TANK: variants seen among roughly 807,000 people sequenced by gnomAD.
TANK encodes the protein TRAF family member-associated NF-kappa-B activator.
Under a neutral mutation model 43.6 loss-of-function variants are expected in TANK, and 15 were observed. The ratio of observed to expected loss-of-function variants is 0.34; its 90% CI spans 0.23 to 0.53. TANK has a LOEUF of 0.53. Ranked by LOEUF, TANK falls within the 20% of genes least tolerant of loss-of-function variation. The pLI is 0.94. For missense variants in TANK, 417 were observed against 498.6 expected (o/e 0.84, Z 1.56); for synonymous variants, 162 against 178.2 (o/e 0.91, Z 0.73).
chr2:161,166,415 A>G (rs145450331), intron 1 of TANK, among the ~76,000 whole-genome samples: 6 of 152,342 alleles, frequency 3.9e-5, no homozygotes, highest in Non-Finnish European at 8.8e-5. Flanking sequence ...TCACAAGTAA[A>G]TGTGAGTAGT....
intron 7 of TANK, among the ~76,000 whole-genome samples, chr2:161,232,045 G>C (rs1438037524): frequency 6.6e-6 from 1 of 152,048 alleles, no homozygotes; most frequent in African/African-American, 2.4e-5. Context: ...CAGTTATATA[G>C]TACACAGATC....
intron 1 of TANK, chr2:161,179,373 G>T (rs1455914923): frequency 1.0e-5 from 4 of 390,908 alleles, no homozygotes; most frequent in African/African-American, 8.3e-5. Context: ...TATTCTCAAA[G>T]TAGCATCTTC....
chr2:161,195,295 A>G (rs1686095817), intron 2 of TANK, among the ~76,000 whole-genome samples: 1 of 152,242 alleles, frequency 6.6e-6, no homozygotes, highest in Non-Finnish European at 1.5e-5. Context: ...CTAGTAAAGC[A>G]GAGACTAATC....
At chr2:161,198,441 GT>G (rs1686254146) in intron 2 of TANK, among the ~76,000 whole-genome samples, 4 of 152,208 alleles carry the variant, frequency 2.6e-5, no homozygotes. Flanking sequence ...CCAGCCTGGA[GT>G]TGCACCCTGG....
intron 4 of TANK, chr2:161,212,469 TCCTAA>T (rs1019261939): frequency 2.0e-6 from 2 of 985,064 alleles, no homozygotes; most frequent in Non-Finnish European, 2.4e-6. Context: ...TATTAATTAA[TCCTAA>T]CCCTTTCCTG....
At chr2:161,194,716 A>G (rs1360939081) in intron 2 of TANK, among the ~76,000 whole-genome samples, 1 of 152,164 alleles carries the variant, frequency 6.6e-6, no homozygotes, top group Non-Finnish European at 1.5e-5. Flanking sequence ...CTACCTCTAA[A>G]AGCTTGTAAA....
intron 2 of TANK, among the ~76,000 whole-genome samples, chr2:161,180,834 C>G (rs1685385666): frequency 6.6e-6 from 1 of 151,726 alleles, no homozygotes; most frequent in African/African-American, 2.4e-5. Context: ...ATACACCTTT[C>G]CTTCAACTTT....
intron 2 of TANK, among the ~76,000 whole-genome samples, chr2:161,181,878 C>T (rs1262312640): frequency 1.3e-5 from 2 of 151,872 alleles, no homozygotes; most frequent in African/African-American, 4.8e-5. Flanking sequence ...TACTTCTGCA[C>T]AGGCAGTTGA....
chr2:161,204,090 C>T lies in TANK; in HGVS notation c.208+495C>T, dbSNP rs138933819. Among the ~76,000 whole-genome samples the T allele has an allele frequency of 3.5e-4, 53 of 151,592 alleles. No homozygotes were observed. In the East Asian group the frequency reaches 4.4e-3, roughly 13 times the overall value. On this transcript the variant is annotated intron_variant, in intron 3 of 7. Transcript: ENST00000392749. ...GTATTAACTTGTAAGAATATGTGGA[C>T]GATATATAGCAAAATGAACAAAGCA...
At chr2:161,190,406 A>AG (rs900476350) in intron 2 of TANK, among the ~76,000 whole-genome samples, 2 of 152,226 alleles carry the variant, frequency 1.3e-5, no homozygotes, top group African/African-American at 4.8e-5. Context: ...TCTTAAAAAA[A>AG]TTAAACATAG....
Position 161,231,074 on chromosome 2 carries a change from C to T in TANK, c.624C>T (p.Ser208=). ...AKDDINRGAP[S]ITSVTPRGLC... ...ATGATATAAATAGAGGTGCACCATC[C>T]ATCACATCTGTCACACCAAGAGGAC... The change falls in exon 7 of 8, where the codon TCC becomes TCT. Residue 208 remains serine, a synonymous_variant. Transcript: ENST00000392749. 1.2e-6 allele frequency: 2 copies of T among 1,614,002 alleles called. No homozygotes were observed. Among genetic ancestry groups the T allele is most frequent in the Non-Finnish European group, 8.5e-7 (1 of 1,179,918 alleles).
intron 1 of TANK, among the ~76,000 whole-genome samples, chr2:161,174,183 G>C (rs1685078629): frequency 6.6e-6 from 1 of 152,074 alleles, no homozygotes; most frequent in African/African-American, 2.4e-5. Context: ...GAAAAGTGAT[G>C]TTCAGAGTTC....
Position 161,204,803 on chromosome 2 carries a change from G to A in TANK, c.327+10G>A. The A allele has an allele frequency of 1.2e-6, 2 of 1,603,576 alleles. No individual in the cohort carries two copies. Among genetic ancestry groups the A allele is most frequent in the Non-Finnish European group, 8.5e-7 (1 of 1,176,882 alleles). The stretch of plus-strand genomic sequence containing the variant: ...AGAAAAACTACCAAAGGTAGACATT[G>A]CTTCTGCAGAAAGCAGCATTTAAAT... On this transcript the variant is annotated intron_variant, in intron 4 of 7. Coordinates refer to ENST00000392749, the MANE Select transcript of TANK (RefSeq NM_001199135.3).
At chr2:161,155,969 C>A, upstream of TANK, 1 of 792,828 alleles carries the variant, frequency 1.3e-6, no homozygotes, top group Non-Finnish European at 1.5e-6. Flanking sequence ...AAATTAATGA[C>A]TTGATAGGGC....
At chr2:161,177,845 C>G (rs750975457) in intron 1 of TANK, among the ~76,000 whole-genome samples, 2 of 151,756 alleles carry the variant, frequency 1.3e-5, no homozygotes, top group African/African-American at 4.8e-5. Flanking sequence ...GAGAAATAAC[C>G]CATTTATTAC....
chr2:161,177,110 A>G (rs946468392), intron 1 of TANK, among the ~76,000 whole-genome samples: 1 of 152,160 alleles, frequency 6.6e-6, no homozygotes, highest in Non-Finnish European at 1.5e-5. Flanking sequence ...ATGTTTCCAT[A>G]GTGTCTATGT....
At chr2:161,153,114 A>C (rs766703277) in intron 1 of TANK, among the ~76,000 whole-genome samples, 47 of 151,934 alleles carry the variant, frequency 3.1e-4, no homozygotes, top group Non-Finnish European at 5.9e-4. Flanking sequence ...TCTGCTATTG[A>C]ACCCCTATAA....
At chr2:161,205,365 G>A (rs1382288222) in intron 4 of TANK, among the ~76,000 whole-genome samples, 3 of 151,818 alleles carry the variant, frequency 2.0e-5, no homozygotes, top group African/African-American at 7.3e-5. Context: ...ACATACATAT[G>A]TACATATATG....
Position 161,149,116 on chromosome 2 carries a change from C to T in TANK, c.-50+12053C>T, listed in dbSNP as rs113527144. ...TCTTAATAATATTAAGTCTTCCAAT[C>T]CATGGACATAGGATGTCTTTCTACT... On this transcript the variant is annotated intron_variant, in intron 1 of 7. Transcript: ENST00000259075. Among the ~76,000 whole-genome samples the T allele has an allele frequency of 2.1e-3, 322 of 152,228 alleles. 1 individual carries two copies. Among genetic ancestry groups the T allele is most frequent in the Non-Finnish European group, 3.8e-3 (256 of 68,000 alleles).
Sources: gnomAD v4.1 joint callset for allele counts (sites outside exome capture counted in the v4.1 genomes callset) on GRCh38, gnomAD v4.1.1 for gene constraint, MANE v1.5 for transcripts, NCBI Gene and HGNC (gene_info 2026-07-23, HGNC 2026-07-21) for gene names.